The following PAX8 variants were observed in gnomAD, a reference collection of about 807,000 sequenced individuals.
PAX8 encodes paired box protein Pax-8.
A neutral mutation model predicts 52.4 loss-of-function variants in PAX8; 15 were observed. The observed-to-expected ratio is 0.29, with a 90% CI of 0.19 to 0.44. PAX8 has a LOEUF of 0.44. PAX8 is among the 20% of genes least tolerant of loss of function. PAX8 has a pLI of 1.00. For missense variants in PAX8, 554 were observed against 602.5 expected (o/e 0.92, Z 0.84); for synonymous variants, 284 against 249.7 (o/e 1.14, Z -1.29).
intron 10 of PAX8, chr2:113,226,065 G>A (rs980574317): frequency 1.1e-5 from 11 of 985,648 alleles, no homozygotes; most frequent in Non-Finnish European, 1.2e-5. Flanking sequence ...CAGCTCAGCA[G>A]GTTCCCAGGG....
chr2:113,256,176 T>C (rs1158733394), intron 2 of PAX8, among the ~76,000 whole-genome samples: 1 of 152,140 alleles, frequency 6.6e-6, no homozygotes, highest in Non-Finnish European at 1.5e-5. Flanking sequence ...GGCTTTAATA[T>C]GGGGAATTGT....
At chr2:113,235,238 A>G (rs1015335017) in intron 9 of PAX8, 156 bp downstream of exon 9, 15 of 632,188 alleles carry the variant, frequency 2.4e-5, no homozygotes, top group Admixed American at 3.0e-5. Flanking sequence ...GTCACAGAGA[A>G]CTTCATGTTG....
intron 2 of PAX8, chr2:113,266,867 T>C (rs1693101822): frequency 6.6e-6 from 1 of 152,250 alleles, no homozygotes; most frequent in African/African-American, 2.4e-5. Flanking sequence ...CAAGCACCTC[T>C]GCCCACCCTG....
intron 2 of PAX8, among the ~76,000 whole-genome samples, chr2:113,254,199 A>G (rs1692018368): frequency 6.6e-6 from 1 of 152,150 alleles, no homozygotes; most frequent in Non-Finnish European, 1.5e-5. Flanking sequence ...TCCATTCTAC[A>G]TGTATTTTAT....
intron 9 of PAX8, among the ~76,000 whole-genome samples, chr2:113,234,762 C>T (rs1342061889): frequency 6.6e-6 from 1 of 152,190 alleles, no homozygotes; most frequent in African/African-American, 2.4e-5. Flanking sequence ...TTGTGATCCA[C>T]CTGCCTCGGC....
intron 2 of PAX8, among the ~76,000 whole-genome samples, chr2:113,257,326 G>C (rs1692334924): frequency 6.6e-6 from 1 of 152,138 alleles, no homozygotes; most frequent in Admixed American, 6.5e-5. Context: ...GCTGTGTGCT[G>C]GTCTTTGGGG....
intron 2 of PAX8, among the ~76,000 whole-genome samples, chr2:113,248,453 G>A (rs1223565239): frequency 6.6e-6 from 1 of 152,206 alleles, no homozygotes; most frequent in African/African-American, 2.4e-5. Context: ...CTGCAGTGTG[G>A]GAGTCAGGGA....
Position 113,218,597 on chromosome 2 carries a change from T to C in PAX8, c.1289A>G (p.Tyr430Cys). The C allele has an allele frequency of 1.3e-6, 2 of 1,556,872 alleles. No individual in the cohort carries two copies. Among genetic ancestry groups the C allele is most frequent in the Non-Finnish European group, 1.7e-6 (2 of 1,149,520 alleles). Residue 430 changes from tyrosine to cysteine, a missense_variant, in exon 12 of 12, where the codon TAT becomes TGT. Around this residue, in one of 2 missense-constraint regions of PAX8, gnomAD observed 445 missense variants for 409.9 expected, o/e 1.09. Coordinates refer to ENST00000429538, the MANE Select transcript of PAX8 (RefSeq NM_003466.4). ...ACTCGGCCTTGATGTGGAACTGTAA[T>C]AATATGGGGAACCTGGACACATTAA... is the stretch of plus-strand genomic sequence containing the variant. ...PNSSLLSSPY[Y>C]YSSTSRPSAP...
At chr2:113,236,429 C>A (rs1412973016) in intron 8 of PAX8, 172 bp downstream of exon 8, 3 of 579,686 alleles carry the variant, frequency 5.2e-6, no homozygotes, top group African/African-American at 4.0e-5. Context: ...CCTCGGCCCA[C>A]CTTGAGGCCC....
At position 113,227,216 on chromosome 2, in the gene PAX8, G is replaced by T. The variant is rs747091221; in HGVS notation, c.1128C>A (p.Pro376=). ...MVGPTLPGYP[P]HIPTSGQGSY... is the part of the protein sequence containing the mutation. ...TGCCCTGTCCGCTGGTGGGGATGTG[G>T]GGTGGGTATCCGGGCAGCGTGGGCC... The change falls in exon 10 of 12, where the codon CCC becomes CCA. Residue 376 remains proline, a synonymous_variant. Coordinates refer to ENST00000429538, the MANE Select transcript of PAX8 (RefSeq NM_003466.4). 1.9e-6 allele frequency: 3 copies of T among 1,611,222 alleles called. No homozygotes were observed. Among genetic ancestry groups the T allele is most frequent in the Non-Finnish European group, 2.5e-6 (3 of 1,179,072 alleles).
intron 8 of PAX8, 58 bp from the exon 9 acceptor site, chr2:113,235,640 A>G (rs1275280899): frequency 1.4e-6 from 2 of 1,412,732 alleles, no homozygotes; most frequent in African/African-American, 2.8e-5. Flanking sequence ...GGGAGGGAAC[A>G]CGCACAAGCC....
At chr2:113,250,349 C>T (rs1691669234) in intron 2 of PAX8, among the ~76,000 whole-genome samples, 2 of 151,468 alleles carry the variant, frequency 1.3e-5, no homozygotes, top group Admixed American at 6.6e-5. Flanking sequence ...ATAAATGTAA[C>T]GTTTTTCTAA....
intron 9 of PAX8, 105 bp downstream of exon 9, chr2:113,235,289 G>C (rs1365951485): frequency 1.1e-6 from 1 of 922,096 alleles, no homozygotes; most frequent in South Asian, 1.7e-5. Context: ...GAACAGGGTG[G>C]GGGTGGATGA....
chr2:113,224,640 G>C (rs1689444993), intron 10 of PAX8, among the ~76,000 whole-genome samples: 1 of 151,652 alleles, frequency 6.6e-6, no homozygotes, highest in Non-Finnish European at 1.5e-5. Flanking sequence ...AAGATAGAAG[G>C]ATAGATGGGA....
At chr2:113,229,444 G>C (rs1689764127) in intron 9 of PAX8, among the ~76,000 whole-genome samples, 1 of 152,236 alleles carries the variant, frequency 6.6e-6, no homozygotes. Flanking sequence ...AGAGCCATCA[G>C]TGTTCATTGT....
intron 2 of PAX8, among the ~76,000 whole-genome samples, chr2:113,249,408 G>A (rs1691588365): frequency 6.6e-6 from 1 of 152,138 alleles, no homozygotes; most frequent in Non-Finnish European, 1.5e-5. Context: ...GTCCAGCTTT[G>A]TCCTCATTTT....
chr2:113,261,797 C>T (rs1168935394), intron 2 of PAX8, among the ~76,000 whole-genome samples: 1 of 151,430 alleles, frequency 6.6e-6, no homozygotes, highest in African/African-American at 2.4e-5. Flanking sequence ...TGTCCTGAAG[C>T]AAGTCATGCC....
At chr2:113,226,993 C>T (rs1044339058) in intron 10 of PAX8, 162 bp downstream of exon 10, 24 of 1,524,952 alleles carry the variant, frequency 1.6e-5, no homozygotes, top group South Asian at 2.4e-5. Context: ...ACTGGGACAT[C>T]GTCTCCAGGC....
At chr2:113,226,635 G>A in intron 10 of PAX8, 1 of 1,089,822 alleles carries the variant, frequency 9.2e-7, no homozygotes, top group South Asian at 2.8e-5. Flanking sequence ...AGAGAGAGAT[G>A]TGAAGCATAT....
Sources: gnomAD v4.1 joint callset for allele counts (sites outside exome capture counted in the v4.1 genomes callset) on GRCh38, gnomAD v4.1.1 for gene constraint, gnomAD v4.1.1 regional missense constraint, MANE v1.5 for transcripts, NCBI Gene and HGNC (gene_info 2026-07-23, HGNC 2026-07-21) for gene names.